Variants in ADGRV1 observed in about 807,000 individuals in gnomAD.
ADGRV1 encodes the protein adhesion G protein-coupled receptor V1, also known as G-protein coupled receptor 98.
A neutral mutation model predicts 596.2 loss-of-function variants in ADGRV1; 359 were observed. The observed-to-expected ratio is 0.60, with a 90% CI of 0.55 to 0.66. ADGRV1 has a LOEUF of 0.66. Among genes scored for constraint, ADGRV1 ranks in the 30% least tolerant of loss-of-function variants. The pLI, the probability that ADGRV1 is intolerant of heterozygous loss-of-function variation, is 0.00. For synonymous variants in ADGRV1, 2,681 were observed against 2,679.2 expected (o/e 1.00, Z -0.02); for missense variants, 7,274 against 7,575.6 (o/e 0.96, Z 1.48).
At chr5:90,903,413 G>T (rs1772030931) in intron 83 of ADGRV1, among the ~76,000 whole-genome samples, 1 of 151,702 alleles carries the variant, frequency 6.6e-6, no homozygotes, top group Non-Finnish European at 1.5e-5. Context: ...TCTTTAAAAT[G>T]GGACAATTAT....
In ADGRV1 at chr5:90,721,039, C is replaced by T. The variant is rs1217710894; in HGVS notation, c.9728C>T (p.Ser3243Phe). 6.2e-7 allele frequency: 1 copy of T among 1,611,884 alleles called. No individual in the cohort carries two copies. The highest frequency in any genetic ancestry group is 8.5e-7 in the Non-Finnish European group (1 of 1,178,712). ...LAVSVQWETV[S>F]ETAFGMRGMD... is the part of the protein sequence containing the mutation. ...GTGAGTGTGCAGTGGGAGACAGTAT[C>T]TGAAACAGCCTTTGGCATGAGTATG... is the stretch of plus-strand genomic sequence containing the variant. Residue 3243 changes from serine (S) to phenylalanine (F), a missense_variant, in exon 45 of 90, where the codon TCT becomes TTT. Ser to Phe is a radical substitution (Grantham distance 155). This residue lies in a region of ADGRV1 where 3,643 missense variants were observed against 3,809.2 expected (regional missense o/e 0.96). Transcript: ENST00000405460.
At chr5:90,708,088 G>A (rs1425054701) in intron 38 of ADGRV1, among the ~76,000 whole-genome samples, 1 of 152,126 alleles carries the variant, frequency 6.6e-6, no homozygotes, top group East Asian at 1.9e-4. Context: ...TGGTGAGTGT[G>A]TACTGACATT....
At position 90,745,802 on chromosome 5, in the gene ADGRV1, A is replaced by T; in HGVS notation, c.10974+7A>T. The T allele has an allele frequency of 4.7e-6, 7 of 1,491,108 alleles. No homozygotes were observed. The highest frequency in any genetic ancestry group is 6.5e-6 in the Non-Finnish European group (7 of 1,070,930). The allele number at this position is 1,491,108 out of a possible 1,614,324, so 92.4% of individuals were successfully genotyped here. On this transcript the variant is annotated splice_region_variant and intron_variant, in intron 52 of 89. Coordinates refer to ENST00000405460, the MANE Select transcript of ADGRV1 (RefSeq NM_032119.4). The stretch of plus-strand genomic sequence containing the variant: ...AATTGTTGCATTTGCTCAGGTAATG[A>T]TACTGAAGACCCCACACTTGCAATG...
At chr5:90,930,650 T>C (rs1775156900) in intron 83 of ADGRV1, among the ~76,000 whole-genome samples, 1 of 152,150 alleles carries the variant, frequency 6.6e-6, no homozygotes, top group Admixed American at 6.5e-5. Flanking sequence ...TAAATTTACG[T>C]GAGTCCAAAT....
At chr5:90,721,287 A>G (rs1160433926) in intron 45 of ADGRV1, among the ~76,000 whole-genome samples, 3 of 151,832 alleles carry the variant, frequency 2.0e-5, no homozygotes, top group Non-Finnish European at 4.4e-5. Flanking sequence ...GGTGGATCAC[A>G]AGGTCAGGAG....
chr5:90,642,776 A>T lies in ADGRV1; in HGVS notation c.2367+14A>T. On this transcript the variant is annotated intron_variant, in intron 12 of 89. Transcript: ENST00000405460. ...TATGTTATAAAAGTAAGTACGAAAA[A>T]AACTTCCATTTATTCTGTGCTCACA... 6.2e-7 allele frequency: 1 copy of T among 1,608,604 alleles called. No homozygotes were observed.
intron 85 of ADGRV1, among the ~76,000 whole-genome samples, chr5:91,001,544 A>G (rs1781857379): frequency 6.6e-6 from 1 of 152,036 alleles, no homozygotes; most frequent in African/African-American, 2.4e-5. Context: ...GCCATTTTGT[A>G]CTTACAAACT....
In ADGRV1 at chr5:90,753,802, G is replaced by C; in HGVS notation, c.11350G>C (p.Val3784Leu). The C allele has an allele frequency of 1.2e-6, 2 of 1,610,230 alleles. No homozygotes were observed. The highest frequency in any genetic ancestry group is 1.7e-6 in the Non-Finnish European group (2 of 1,177,806). The change falls in exon 54 of 90, where the codon GTC becomes CTC. Residue 3784 changes from valine to leucine, a missense_variant. Around this residue, in one of 5 missense-constraint regions of ADGRV1, gnomAD observed 3,643 missense variants for 3,809.2 expected, o/e 0.96. Transcript: ENST00000405460. ...CTTGGTGGGCTGGCGTGCTGCGTCTGTCTTCATTAGAGTAGCAGAGCCTAA... is the reference window on the plus strand; with the variant it reads ...CTTGGTGGGCTGGCGTGCTGCGTCTCTCTTCATTAGAGTAGCAGAGCCTAA... Reference protein sequence around the residue: ...FGLVGWRAASVFIRVAEPKEN... With the variant: ...FGLVGWRAASLFIRVAEPKEN...
rs759755568 is a variant in ADGRV1 at position 90,653,381 on chromosome 5, C to T, written c.3807C>T (p.Phe1269=). The T allele has an allele frequency of 9.9e-6, 16 of 1,613,844 alleles. No homozygotes were observed. Among genetic ancestry groups the T allele is most frequent in the Non-Finnish European group, 1.2e-5 (14 of 1,179,874 alleles). The change falls in exon 20 of 90, where the codon TTC becomes TTT. Residue 1269 remains phenylalanine (F), a synonymous_variant. Transcript: ENST00000405460. The part of the protein sequence containing the change: ...SEDDMSYITN[F]TILRQQGVFG... ...ATGATATGTCTTATATTACCAACTT[C>T]ACCATTTTGAGGCAGCAGGGTGTGT...
At chr5:91,127,704 G>A (rs1793887211) in intron 87 of ADGRV1, among the ~76,000 whole-genome samples, 1 of 152,178 alleles carries the variant, frequency 6.6e-6, no homozygotes, top group Admixed American at 6.5e-5. Context: ...TTAAATCCAG[G>A]ATAAGAAATT....
At position 91,004,756 on chromosome 5, in the gene ADGRV1, A is replaced by C. The variant is rs142938310; in HGVS notation, c.18152+19234A>C. Among the ~76,000 whole-genome samples, 271 of 152,288 alleles carry C rather than the reference A, an allele frequency of 1.8e-3. 1 individual carries two copies. The highest frequency in any genetic ancestry group is 0.014 in the Admixed American group (215 of 15,288). On this transcript the variant is annotated intron_variant, in intron 85 of 89. Coordinates refer to ENST00000405460, the MANE Select transcript of ADGRV1 (RefSeq NM_032119.4). ...AAATGCTGGAAAACACTGGGGCTTCAGGGGGAGAATGGCCATGATGGTTAG... is the reference window on the plus strand; with the variant it reads ...AAATGCTGGAAAACACTGGGGCTTCCGGGGGAGAATGGCCATGATGGTTAG...
chr5:90,634,171 A>G (rs1765846937), intron 9 of ADGRV1, among the ~76,000 whole-genome samples: 1 of 152,194 alleles, frequency 6.6e-6, no homozygotes, highest in Non-Finnish European at 1.5e-5. Flanking sequence ...CCTGAAGTGA[A>G]CACTGTGTGC....
At chr5:90,565,525 G>T (rs1755531335) in intron 1 of ADGRV1, among the ~76,000 whole-genome samples, 1 of 152,130 alleles carries the variant, frequency 6.6e-6, no homozygotes, top group Non-Finnish European at 1.5e-5. Flanking sequence ...CAATCCTTTT[G>T]TAAATGCCAA....
At chr5:91,124,738 G>A (rs1439503193) in intron 87 of ADGRV1, among the ~76,000 whole-genome samples, 1 of 152,178 alleles carries the variant, frequency 6.6e-6, no homozygotes, top group Non-Finnish European at 1.5e-5. Flanking sequence ...GGGTATTTTA[G>A]TTACGGGGTC....
intron 1 of ADGRV1, among the ~76,000 whole-genome samples, chr5:90,576,359 T>C (rs1311725671): frequency 6.6e-6 from 1 of 151,042 alleles, no homozygotes; most frequent in African/African-American, 2.4e-5. Flanking sequence ...TGAGAACATG[T>C]GGTGTTTGGT....
rs144329919 is a variant in ADGRV1, at chr5:90,856,802, T to G, written c.17755+901T>G. On this transcript the variant is annotated intron_variant, in intron 82 of 89. Transcript: ENST00000405460. ...CTTCATTTTTCCCACCCATGATATT[T>G]GATTATAAATTGTGTCTATGTAACA... Among the ~76,000 whole-genome samples, 497 of 152,304 alleles carry G rather than the reference T, an allele frequency of 3.3e-3. 1 individual carries two copies. Among genetic ancestry groups the G allele is most frequent in the African/African-American group, 0.011 (452 of 41,568 alleles).
At chr5:90,676,283 A>C (rs1744208777) in intron 25 of ADGRV1, 74 bp downstream of exon 25, 1 of 1,382,480 alleles carries the variant, frequency 7.2e-7, no homozygotes, top group Admixed American at 2.5e-5. Flanking sequence ...TCCTTTAGGG[A>C]AGTAAGTTCC....
intron 1 of ADGRV1, among the ~76,000 whole-genome samples, chr5:90,613,239 A>G (rs971688845): frequency 6.6e-6 from 1 of 152,038 alleles, no homozygotes; most frequent in Non-Finnish European, 1.5e-5. Flanking sequence ...TTTCTTTCAC[A>G]TTCAAAGCCT....
chr5:91,057,477 A>G (rs986773599), intron 85 of ADGRV1, among the ~76,000 whole-genome samples: 2 of 152,188 alleles, frequency 1.3e-5, no homozygotes, highest in African/African-American at 4.8e-5. Flanking sequence ...GCATAAGGAG[A>G]CAGCCTTACA....
Sources: gnomAD v4.1 joint callset for allele counts (sites outside exome capture counted in the v4.1 genomes callset) on GRCh38, gnomAD v4.1.1 for gene constraint, gnomAD v4.1.1 regional missense constraint, MANE v1.5 for transcripts, NCBI Gene and HGNC (gene_info 2026-07-23, HGNC 2026-07-21) for gene names.